The following PCDHGB4 variants were observed in gnomAD, a reference collection of about 807,000 sequenced individuals.
PCDHGB4 encodes the protein protocadherin gamma-B4.
Under a neutral mutation model 60.5 loss-of-function variants are expected in PCDHGB4, and 38 were observed. The ratio of observed to expected loss-of-function variants is 0.63; its 90% CI spans 0.48 to 0.82. The LOEUF (loss-of-function observed/expected upper bound fraction) is 0.82, where lower values mean the gene tolerates loss of function less well. Among genes scored for constraint, PCDHGB4 ranks in the 40% least tolerant of loss-of-function variants. The pLI, the probability that PCDHGB4 is intolerant of heterozygous loss-of-function variation, is 0.00. For synonymous variants in PCDHGB4, 456 were observed against 509.7 expected (o/e 0.89, Z 1.42); for missense variants, 1,109 against 1,209.6 (o/e 0.92, Z 1.23).
chr5:141,509,621 C>T (rs1179988828), intron 3 of PCDHGB4, among the ~76,000 whole-genome samples: 1 of 152,178 alleles, frequency 6.6e-6, no homozygotes, highest in African/African-American at 2.4e-5. Flanking sequence ...AAACAAGTTC[C>T]TGGGTGATGC....
chr5:141,396,720 C>T (rs1432240411), intron 1 of PCDHGB4: 1 of 151,964 alleles, frequency 6.6e-6, no homozygotes, highest in Non-Finnish European at 1.5e-5. Flanking sequence ...AAGCTAATAC[C>T]TGAATTGATT....
chr5:141,403,482 A>C (rs764737675), intron 1 of PCDHGB4: 2 of 1,613,892 alleles, frequency 1.2e-6, no homozygotes, highest in Non-Finnish European at 1.7e-6. Flanking sequence ...CCCAATCACC[A>C]CTTCTCCCTG....
intron 1 of PCDHGB4, chr5:141,400,054 C>G: frequency 6.2e-7 from 1 of 1,613,622 alleles, no homozygotes; most frequent in Non-Finnish European, 8.5e-7. Flanking sequence ...GGTTGCTGTG[C>G]GTGATGGTGG....
At chr5:141,504,203 A>G (rs2099836487) in intron 2 of PCDHGB4, among the ~76,000 whole-genome samples, 1 of 152,248 alleles carries the variant, frequency 6.6e-6, no homozygotes, top group Non-Finnish European at 1.5e-5. Context: ...TCACTGTGGG[A>G]AAATTCCAAG....
At position 141,419,294 on chromosome 5, in the gene PCDHGB4, C is replaced by T. The variant is rs770303087; in HGVS notation, c.2397+29013C>T. ...CATAGCGCAAGTCAGTGCCTCTGAC[C>T]CAGACTTCGGGCTCAACGGCCGTGT... On this transcript the variant is annotated intron_variant, in intron 1 of 3. Transcript: ENST00000519479. The T allele has an allele frequency of 1.9e-6, 3 of 1,614,036 alleles. No homozygotes were observed. Among genetic ancestry groups the T allele is most frequent in the East Asian group, 2.2e-5 (1 of 44,886 alleles).
At chr5:141,450,888 G>C (rs1038570371) in intron 1 of PCDHGB4, among the ~76,000 whole-genome samples, 27 of 145,380 alleles carry the variant, frequency 1.9e-4, no homozygotes, top group Non-Finnish European at 3.9e-4. Flanking sequence ...GCAGTGGTGC[G>C]ATATCGGCTC....
chr5:141,474,985 C>T (rs2099357651), intron 1 of PCDHGB4, among the ~76,000 whole-genome samples: 1 of 152,202 alleles, frequency 6.6e-6, no homozygotes, highest in Non-Finnish European at 1.5e-5. Context: ...TGTTTGGTGA[C>T]AACAATTCTA....
At chr5:141,448,247 A>G (rs1449158776) in intron 1 of PCDHGB4, among the ~76,000 whole-genome samples, 1 of 152,104 alleles carries the variant, frequency 6.6e-6, no homozygotes, top group Non-Finnish European at 1.5e-5. Flanking sequence ...TTTGCACAAC[A>G]GGATCATTTT....
intron 1 of PCDHGB4, among the ~76,000 whole-genome samples, chr5:141,458,809 T>G (rs2098953834): frequency 6.6e-6 from 1 of 152,190 alleles, no homozygotes; most frequent in Non-Finnish European, 1.5e-5. Flanking sequence ...CTCAGCTCAC[T>G]GCAACCTCTG....
At position 141,459,533 on chromosome 5, in the gene PCDHGB4, A is replaced by AT. The variant is rs956234847; in HGVS notation, c.2398-35266dup. Among the ~76,000 whole-genome samples the AT allele has an allele frequency of 1.2e-4, 18 of 152,018 alleles. No homozygotes were observed. In the South Asian group the frequency reaches 2.3e-3, roughly 19 times the overall value. ...CATGTACAAGTATTTTTGTAGGCAT[A>AT]TTTTTTTTATTTCTCTTGGATAAAT... is the stretch of plus-strand genomic sequence containing the variant. On this transcript the variant is annotated intron_variant, in intron 1 of 3. Transcript: ENST00000519479.
chr5:141,392,804 CA>C (rs1345839746), intron 1 of PCDHGB4: 1 of 1,573,894 alleles, frequency 6.4e-7, no homozygotes, highest in African/African-American at 1.4e-5. Flanking sequence ...GATTCTGCAG[CA>C]AAACAACAAT....
At chr5:141,402,788 C>A in intron 1 of PCDHGB4, 1 of 937,148 alleles carries the variant, frequency 1.1e-6, no homozygotes, top group Non-Finnish European at 1.5e-6. Flanking sequence ...AGTTCTGCGG[C>A]TACACAAAAC....
chr5:141,431,776 C>T lies in PCDHGB4; in HGVS notation c.2397+41495C>T. 6.2e-7 allele frequency: 1 copy of T among 1,614,228 alleles called. No individual in the cohort carries two copies. The stretch of plus-strand genomic sequence containing the variant: ...CCAAAGTCCTGATCACTGTTCTGGA[C>T]GTGAACGACAATGCCCCAGAAGTGG... On this transcript the variant is annotated intron_variant, in intron 1 of 3. Coordinates refer to ENST00000519479, the MANE Select transcript of PCDHGB4 (RefSeq NM_003736.4). The surrounding 1 kb of genome is among the most constrained non-coding windows in gnomAD (Gnocchi z 4.8).
rs548002755 is a variant in PCDHGB4, at chr5:141,409,062, G to A, written c.2397+18781G>A. On this transcript the variant is annotated intron_variant, in intron 1 of 3. Coordinates refer to ENST00000519479, the MANE Select transcript of PCDHGB4 (RefSeq NM_003736.4). ...TACTACTTCCGAAGCACTGCCCAGAGCACAAAACATATGTTCTCATTGGAT... is the reference window on the plus strand; with the variant it reads ...TACTACTTCCGAAGCACTGCCCAGAACACAAAACATATGTTCTCATTGGAT... The A allele has an allele frequency of 3.1e-6, 5 of 1,614,000 alleles. No homozygotes were observed. The South Asian group carries it at 4.4e-5, about 14-fold the overall frequency.
At chr5:141,510,277 A>C (rs1242709133) in intron 3 of PCDHGB4, among the ~76,000 whole-genome samples, 5 of 151,916 alleles carry the variant, frequency 3.3e-5, no homozygotes, top group Admixed American at 2.6e-4. Flanking sequence ...CATCTTAAAA[A>C]AAAAAAAAAA....
At position 141,432,807 on chromosome 5, in the gene PCDHGB4, ACT is replaced by A. The variant is rs542925824; in HGVS notation, c.2397+42529_2397+42530del. On this transcript the variant is annotated intron_variant, in intron 1 of 3. Coordinates refer to ENST00000519479, the MANE Select transcript of PCDHGB4 (RefSeq NM_003736.4). This position sits in a 1 kb window ranked among gnomAD's most constrained non-coding sequence, Gnocchi z 6.0. ...CTCGGCAGCCTCGAGTCTCCAGCTA[ACT>A]CTGAAACCTCAGACCTCACTCTGTA... 352 of 1,613,946 alleles carry A rather than the reference ACT, an allele frequency of 2.2e-4. 2 individuals carry two copies. The African/African-American group carries it at 4.2e-3, about 19-fold the overall frequency.
Position 141,476,990 on chromosome 5 carries a change from C to T in PCDHGB4, c.2398-17817C>T, listed in dbSNP as rs2099402882. ...CGGCAGCCACAACCGCGCCGGCGTGCGGCAACTATTCGCCTTAGACCTTGT... is the reference window on the plus strand; with the variant it reads ...CGGCAGCCACAACCGCGCCGGCGTGTGGCAACTATTCGCCTTAGACCTTGT... On this transcript the variant is annotated intron_variant, in intron 1 of 3. Coordinates refer to ENST00000519479, the MANE Select transcript of PCDHGB4 (RefSeq NM_003736.4). The surrounding 1 kb of genome is among the most constrained non-coding windows in gnomAD (Gnocchi z 7.6). 6.2e-7 allele frequency: 1 copy of T among 1,614,220 alleles called. No individual in the cohort carries two copies. The highest frequency in any genetic ancestry group is 8.5e-7 in the Non-Finnish European group (1 of 1,180,046).
chr5:141,486,391 C>T lies in PCDHGB4; in HGVS notation c.2398-8416C>T. The T allele has an allele frequency of 6.2e-7, 1 of 1,614,112 alleles. No individual in the cohort carries two copies. The highest frequency in any genetic ancestry group is 8.5e-7 in the Non-Finnish European group (1 of 1,179,984). Reference sequence around the variant, plus strand: ...AGTCTGCCTTCAGGAACCAGTTCTCCCTGGTGACTGCTGGACCCTTGGATC... The same window carrying T: ...AGTCTGCCTTCAGGAACCAGTTCTCTCTGGTGACTGCTGGACCCTTGGATC... On this transcript the variant is annotated intron_variant, in intron 1 of 3. Transcript: ENST00000519479. The surrounding 1 kb of genome is among the most constrained non-coding windows in gnomAD (Gnocchi z 5.0).
At chr5:141,421,825 AG>A in intron 1 of PCDHGB4, 1 of 1,613,802 alleles carries the variant, frequency 6.2e-7, no homozygotes. Flanking sequence ...ACTGGAGGGA[AG>A]CCTGGACCGA....
Sources: allele counts gnomAD v4.1 joint callset (sites outside exome capture counted in the v4.1 genomes callset), GRCh38; gene constraint gnomAD v4.1.1; non-coding constraint Gnocchi (gnomAD v3.1); transcripts MANE v1.5; gene names NCBI Gene and HGNC (gene_info 2026-07-23, HGNC 2026-07-21).